ANTXR1: variants seen among roughly 807,000 people sequenced by gnomAD.
ANTXR1 encodes the protein anthrax toxin receptor 1.
ANTXR1 carries 19 observed loss-of-function variants against 78.1 expected under a neutral mutation model. The observed-to-expected ratio is 0.24, with a 90% confidence interval of 0.17 to 0.36. The LOEUF is 0.36. ANTXR1 is among the 10% of genes least tolerant of loss of function. The probability of loss-of-function intolerance (pLI) is 1.00; values close to 1 mark genes in which losing one functional copy is unlikely to be tolerated. For missense variants in ANTXR1, 518 were observed against 718.6 expected, an observed-to-expected ratio of 0.72 and a Z score of 3.19; for synonymous variants, 273 against 260.5, an observed-to-expected ratio of 1.05 and a Z score of -0.46.
chr2:69,128,351 G>T (rs571126647), intron 12 of ANTXR1, among the ~76,000 whole-genome samples: 60 of 152,236 alleles, frequency 3.9e-4, no homozygotes, highest in African/African-American at 1.4e-3. Context: ...AAAGTATTTG[G>T]CAGAAGACCT....
chr2:69,075,614 G>A lies in ANTXR1; in HGVS notation c.517G>A (p.Ala173Thr). The A allele has an allele frequency of 6.2e-7, 1 of 1,614,074 alleles. No individual in the cohort carries two copies. The highest frequency in any genetic ancestry group is 8.5e-7 in the Non-Finnish European group (1 of 1,179,988). Residue 173 changes from alanine to threonine, a missense_variant, in exon 7 of 18, where the codon GCA becomes ACA. Transcript: ENST00000303714. ...REANRSRDLG[A>T]IVYCVGVKDF... The stretch of plus-strand genomic sequence containing the variant: ...GGCTAATAGGTCTCGAGATCTTGGT[G>A]CAATTGTTTACTGTGTTGGTGTGAA...
intron 3 of ANTXR1, among the ~76,000 whole-genome samples, chr2:69,045,499 G>A (rs1669736859): frequency 6.6e-6 from 1 of 152,114 alleles, no homozygotes; most frequent in South Asian, 2.1e-4. Flanking sequence ...TTTAAATAGT[G>A]AGATGGCCCA....
intron 17 of ANTXR1, among the ~76,000 whole-genome samples, chr2:69,211,464 C>T (rs577409957): frequency 3.3e-5 from 5 of 152,216 alleles, no homozygotes; most frequent in Non-Finnish European, 5.9e-5. Flanking sequence ...CAAAGAACTA[C>T]ACTCCCTTAA....
intron 13 of ANTXR1, among the ~76,000 whole-genome samples, chr2:69,161,539 A>G (rs1045807334): frequency 1.3e-5 from 2 of 152,116 alleles, no homozygotes; most frequent in Non-Finnish European, 2.9e-5. Flanking sequence ...ACCCACCCCA[A>G]TCAGTCATGA....
chr2:69,135,080 G>T, intron 12 of ANTXR1: 1 of 395,002 alleles, frequency 2.5e-6, no homozygotes, highest in Non-Finnish European at 5.3e-6. Context: ...CTCAAATATT[G>T]TTTATGAACT....
At chr2:69,183,387 G>T (rs1674327069) in intron 16 of ANTXR1, among the ~76,000 whole-genome samples, 1 of 151,730 alleles carries the variant, frequency 6.6e-6, no homozygotes, top group African/African-American at 2.4e-5. Context: ...GTTTCCTAAA[G>T]GCCTCTTTTT....
chr2:69,196,995 G>A lies in ANTXR1; in HGVS notation c.1434+3580G>A, dbSNP rs184172245. ...CAGGGAGCCAGAGCCTAGAGCCACC[G>A]CCCTTCCCTGGGATTGGCACCCACC... On this transcript the variant is annotated intron_variant, in intron 17 of 17. Coordinates refer to ENST00000303714, the MANE Select transcript of ANTXR1 (RefSeq NM_032208.3). Among the ~76,000 whole-genome samples the A allele has an allele frequency of 3.4e-4, 51 of 152,114 alleles. 1 individual carries two copies. The highest frequency in any genetic ancestry group is 1.4e-3 in the Admixed American group (21 of 15,294).
intron 17 of ANTXR1, among the ~76,000 whole-genome samples, chr2:69,242,966 C>T (rs1021720166): frequency 2.0e-5 from 3 of 152,198 alleles, no homozygotes; most frequent in African/African-American, 4.8e-5. Flanking sequence ...GGCAGTGCAG[C>T]GAGGAGGGGG....
chr2:69,080,957 G>GA (rs1670881555), intron 8 of ANTXR1, among the ~76,000 whole-genome samples: 1 of 152,158 alleles, frequency 6.6e-6, no homozygotes, highest in African/African-American at 2.4e-5. Flanking sequence ...ACTATAGCTA[G>GA]GTACAGAGTC....
At chr2:69,111,964 T>G (rs544795274) in intron 10 of ANTXR1, among the ~76,000 whole-genome samples, 126 of 152,318 alleles carry the variant, frequency 8.3e-4, no homozygotes, top group Non-Finnish European at 1.6e-3. Context: ...TTGTTTCCTT[T>G]GTTATGGGTT....
At chr2:69,028,679 A>C (rs890383282) in intron 1 of ANTXR1, among the ~76,000 whole-genome samples, 7 of 152,208 alleles carry the variant, frequency 4.6e-5, no homozygotes, top group Non-Finnish European at 1.0e-4. Flanking sequence ...ATATGTCTAA[A>C]TAGTATTTTC....
Position 69,206,984 on chromosome 2 carries a change from A to C in ANTXR1, c.1434+13569A>C, listed in dbSNP as rs542261515. On this transcript the variant is annotated intron_variant, in intron 17 of 17. Transcript: ENST00000303714. ...TTAAGCAACATGAAGGCTTCCAAAA[A>C]GGTTACCCTGCCCATATGAAAATGC... is the stretch of plus-strand genomic sequence containing the variant. Among the ~76,000 whole-genome samples, 4 of 152,334 alleles carry C rather than the reference A, an allele frequency of 2.6e-5. No homozygotes were observed. In the South Asian group the frequency reaches 8.3e-4, roughly 32 times the overall value.
chr2:69,216,349 T>G (rs912086836), intron 17 of ANTXR1, among the ~76,000 whole-genome samples: 1 of 152,192 alleles, frequency 6.6e-6, no homozygotes, highest in Non-Finnish European at 1.5e-5. Context: ...GGGTTCTAGA[T>G]GTTTGGGCTG....
chr2:69,177,897 T>C (rs112283478), intron 14 of ANTXR1, among the ~76,000 whole-genome samples: 12 of 152,202 alleles, frequency 7.9e-5, no homozygotes, highest in African/African-American at 2.9e-4. Flanking sequence ...CATCTTCTCA[T>C]TCCCCACAAG....
intron 17 of ANTXR1, among the ~76,000 whole-genome samples, chr2:69,207,740 T>C (rs2104494104): frequency 6.6e-6 from 1 of 152,260 alleles, no homozygotes; most frequent in East Asian, 1.9e-4. Flanking sequence ...CACCCCACCC[T>C]GTGTTATAGC....
chr2:69,097,280 C>T (rs1430845057), intron 9 of ANTXR1, among the ~76,000 whole-genome samples: 1 of 152,224 alleles, frequency 6.6e-6, no homozygotes, highest in Admixed American at 6.5e-5. Flanking sequence ...AACTGCTCTA[C>T]ACTTGAAGTT....
At chr2:69,092,627 A>C (rs923539815) in intron 9 of ANTXR1, among the ~76,000 whole-genome samples, 1 of 152,230 alleles carries the variant, frequency 6.6e-6, no homozygotes, top group Non-Finnish European at 1.5e-5. Flanking sequence ...GCAGGGGTAA[A>C]TGTGATTGCC....
At chr2:69,132,406 C>T (rs1227857520) in intron 12 of ANTXR1, among the ~76,000 whole-genome samples, 1 of 152,208 alleles carries the variant, frequency 6.6e-6, no homozygotes, top group Non-Finnish European at 1.5e-5. Context: ...TTACCAGTTG[C>T]TTTAAAGCGA....
At chr2:69,060,087 CA>C (rs1489615019) in intron 3 of ANTXR1, among the ~76,000 whole-genome samples, 38 of 152,196 alleles carry the variant, frequency 2.5e-4, no homozygotes, top group African/African-American at 8.9e-4. Flanking sequence ...TCCTCTTTGT[CA>C]GCTTCCCTTC....
Sources: gnomAD v4.1 joint callset for allele counts (sites outside exome capture counted in the v4.1 genomes callset) on GRCh38, gnomAD v4.1.1 for gene constraint, MANE v1.5 for transcripts, NCBI Gene and HGNC (gene_info 2026-07-23, HGNC 2026-07-21) for gene names.